Variants in METTL15 observed in about 807,000 individuals in gnomAD.
METTL15 encodes the protein 12S rRNA N(4)-cytidine methyltransferase METTL15.
A neutral mutation model predicts 38.3 loss-of-function variants in METTL15; 34 were observed. That is an observed-to-expected ratio of 0.89 (90% CI 0.68 to 1.18). The LOEUF is 1.18. Among genes scored for constraint, METTL15 ranks in the 50% most tolerant of loss-of-function variants. METTL15 has a pLI of 0.00. For missense variants in METTL15, 438 were observed against 498.4 expected (o/e 0.88, Z 1.15); for synonymous variants, 162 against 170.9 (o/e 0.95, Z 0.41).
chr11:28,379,111 T>G (rs1055190005), intron 5 of METTL15, among the ~76,000 whole-genome samples: 11 of 152,074 alleles, frequency 7.2e-5, no homozygotes, highest in African/African-American at 2.4e-4. Context: ...TGTACTCTTT[T>G]TTTTCCTCCC....
At chr11:28,153,583 T>C (rs1401500212) in intron 3 of METTL15, among the ~76,000 whole-genome samples, 1 of 152,024 alleles carries the variant, frequency 6.6e-6, no homozygotes, top group East Asian at 1.9e-4. Context: ...GATACATAGG[T>C]AGATGAGCCC....
At chr11:28,236,520 C>T (rs1208134062) in intron 4 of METTL15, among the ~76,000 whole-genome samples, 1 of 152,136 alleles carries the variant, frequency 6.6e-6, no homozygotes, top group South Asian at 2.1e-4. Context: ...TCAACTTCTT[C>T]CTGGTTTAGT....
intron 4 of METTL15, among the ~76,000 whole-genome samples, chr11:28,353,693 A>G (rs1302135962): frequency 2.0e-5 from 3 of 152,024 alleles, no homozygotes; most frequent in Non-Finnish European, 4.4e-5. Flanking sequence ...TGGGAGGCCG[A>G]GGCGGGTGGA....
intron 4 of METTL15, among the ~76,000 whole-genome samples, chr11:28,219,657 T>C (rs1853093294): frequency 1.3e-5 from 2 of 152,158 alleles, no homozygotes; most frequent in African/African-American, 4.8e-5. Context: ...GATGTTAGGG[T>C]GTGAATTTCA....
At chr11:28,507,025 C>T (rs1414521879) in intron 6 of METTL15, among the ~76,000 whole-genome samples, 1 of 152,074 alleles carries the variant, frequency 6.6e-6, no homozygotes, top group Non-Finnish European at 1.5e-5. Context: ...AATTATAGGC[C>T]TGAGCCCACT....
intron 5 of METTL15, among the ~76,000 whole-genome samples, chr11:28,411,978 G>A (rs762730782): frequency 9.9e-5 from 15 of 151,980 alleles, no homozygotes; most frequent in Non-Finnish European, 1.3e-4. Context: ...ATGGCCAGCA[G>A]GTATGTGAAA....
chr11:28,121,642 T>G (rs1478233237), intron 3 of METTL15, among the ~76,000 whole-genome samples: 1 of 152,128 alleles, frequency 6.6e-6, no homozygotes, highest in Non-Finnish European at 1.5e-5. Flanking sequence ...ATTTTTCATA[T>G]TTATGGTTTT....
chr11:28,218,095 A>G (rs1022085419), intron 4 of METTL15, among the ~76,000 whole-genome samples: 4 of 152,292 alleles, frequency 2.6e-5, no homozygotes, highest in African/African-American at 9.6e-5. Flanking sequence ...TTCCGAGAAG[A>G]AAGTCATTGG....
At chr11:28,379,529 T>C (rs1301994865) in intron 5 of METTL15, among the ~76,000 whole-genome samples, 1 of 152,194 alleles carries the variant, frequency 6.6e-6, no homozygotes, top group Non-Finnish European at 1.5e-5. Context: ...AAGATTCTTC[T>C]TATTATTAAA....
chr11:28,356,028 A>AT (rs1850087201), intron 4 of METTL15, among the ~76,000 whole-genome samples: 3 of 152,100 alleles, frequency 2.0e-5, no homozygotes, highest in Admixed American at 1.3e-4. Context: ...TCTACATGTA[A>AT]TTTTTTGTTC....
intron 3 of METTL15, among the ~76,000 whole-genome samples, chr11:28,154,687 T>G (rs1011815019): frequency 7.9e-5 from 12 of 152,124 alleles, no homozygotes; most frequent in Non-Finnish European, 1.8e-4. Flanking sequence ...AATAGAATAA[T>G]AAGAACTCTC....
chr11:28,144,304 A>G (rs1440910722), intron 3 of METTL15, among the ~76,000 whole-genome samples: 3 of 152,160 alleles, frequency 2.0e-5, no homozygotes, highest in Non-Finnish European at 4.4e-5. Context: ...ATATCAGATT[A>G]TGACTTTGAC....
chr11:28,471,858 A>G (rs1851306003), intron 6 of METTL15, among the ~76,000 whole-genome samples: 1 of 152,136 alleles, frequency 6.6e-6, no homozygotes, highest in African/African-American at 2.4e-5. Context: ...ATTCTATGCT[A>G]ATCAGAGCAG....
chr11:28,319,965 C>G (rs539073661), intron 6 of METTL15, among the ~76,000 whole-genome samples: 3 of 152,188 alleles, frequency 2.0e-5, no homozygotes, highest in East Asian at 1.9e-4. Flanking sequence ...TTCTTCTTCA[C>G]TCTCATATGA....
chr11:28,513,795 G>A (rs1231879487), intron 6 of METTL15, among the ~76,000 whole-genome samples: 1 of 152,234 alleles, frequency 6.6e-6, no homozygotes, highest in Non-Finnish European at 1.5e-5. Context: ...GGCACAGATC[G>A]CTCATGCTAT....
chr11:28,257,565 A>G (rs906410933), intron 4 of METTL15, among the ~76,000 whole-genome samples: 4 of 152,084 alleles, frequency 2.6e-5, no homozygotes, highest in Admixed American at 2.6e-4. Flanking sequence ...TCCTGTAGGC[A>G]TGCTTCATGT....
At chr11:28,417,393 G>A (rs1850782783) in intron 5 of METTL15, among the ~76,000 whole-genome samples, 1 of 152,096 alleles carries the variant, frequency 6.6e-6, no homozygotes, top group Admixed American at 6.6e-5. Flanking sequence ...TGTCTTCCAG[G>A]TTCAATAGTT....
intron 6 of METTL15, among the ~76,000 whole-genome samples, chr11:28,459,936 T>C (rs1016160020): frequency 6.6e-6 from 1 of 152,122 alleles, no homozygotes; most frequent in Non-Finnish European, 1.5e-5. Flanking sequence ...CATGATTGCT[T>C]ACTGGCATCG....
At chr11:28,236,487 C>A (rs1361375626) in intron 4 of METTL15, among the ~76,000 whole-genome samples, 1 of 152,134 alleles carries the variant, frequency 6.6e-6, no homozygotes. Context: ...ATTTCAGATT[C>A]TGTTATTGGT....
Sources: allele counts gnomAD v4.1 joint callset (sites outside exome capture counted in the v4.1 genomes callset), GRCh38; gene constraint gnomAD v4.1.1; transcripts MANE v1.5; gene names NCBI Gene and HGNC (gene_info 2026-07-23, HGNC 2026-07-21).